SDK1: variants seen among roughly 807,000 people sequenced by gnomAD.
The protein encoded by SDK1 is sidekick cell adhesion molecule 1.
In SDK1, 157 loss-of-function variants were observed where a neutral mutation model predicts 245.5. That is an observed-to-expected ratio of 0.64 (90% CI 0.56 to 0.73). The LOEUF is 0.73. Among genes scored for constraint, SDK1 ranks in the 30% least tolerant of loss-of-function variants. The probability of loss-of-function intolerance (pLI) is 0.00; values close to 1 mark genes in which losing one functional copy is unlikely to be tolerated. For missense variants in SDK1, 3,583 were observed against 3,002.3 expected, an observed-to-expected ratio of 1.19 and a Z score of -4.52; for synonymous variants, 1,647 against 1,278.5, an observed-to-expected ratio of 1.29 and a Z score of -6.15.
intron 5 of SDK1, among the ~76,000 whole-genome samples, chr7:3,842,748 T>C (rs1242983368): frequency 6.6e-6 from 1 of 152,108 alleles, no homozygotes; most frequent in Non-Finnish European, 1.5e-5. Context: ...TGTGCTCCTT[T>C]TCTCCCTCAC....
chr7:3,708,970 A>G (rs1353132243), intron 4 of SDK1, among the ~76,000 whole-genome samples: 1 of 152,208 alleles, frequency 6.6e-6, no homozygotes. Context: ...ATACTCTTCC[A>G]GCCATCATGT....
chr7:3,406,701 A>G (rs1201198930), intron 1 of SDK1, among the ~76,000 whole-genome samples: 3 of 152,166 alleles, frequency 2.0e-5, no homozygotes, highest in African/African-American at 7.2e-5. Flanking sequence ...TGTTTAGGGG[A>G]AAATAATATT....
At chr7:3,632,626 A>G (rs80272989) in intron 2 of SDK1, among the ~76,000 whole-genome samples, 4 of 152,222 alleles carry the variant, frequency 2.6e-5, no homozygotes, top group African/African-American at 7.2e-5. Flanking sequence ...TAATACACAG[A>G]TTAAATAACT....
chr7:3,664,622 C>A (rs1325079005), intron 4 of SDK1, among the ~76,000 whole-genome samples: 2 of 151,832 alleles, frequency 1.3e-5, no homozygotes, highest in South Asian at 4.2e-4. Flanking sequence ...CATCTGTAAT[C>A]CCAGCTGCTT....
In SDK1 at chr7:3,690,060, C is replaced by A. The variant is rs188911159; in HGVS notation, c.713+47955C>A. ...ATTCATCCATTTCTTAGAATAATGC[C>A]TTAGAGAAGCACCCAGTGGTAATTA... On this transcript the variant is annotated intron_variant, in intron 4 of 44. Coordinates refer to ENST00000404826, the MANE Select transcript of SDK1 (RefSeq NM_152744.4). Among the ~76,000 whole-genome samples the A allele has an allele frequency of 1.5e-3, 234 of 152,250 alleles. 4 individuals carry two copies. Among genetic ancestry groups the A allele is most frequent in the Non-Finnish European group, 2.8e-4 (19 of 68,002 alleles).
chr7:3,385,124 G>C (rs940364448), intron 1 of SDK1, among the ~76,000 whole-genome samples: 1 of 152,148 alleles, frequency 6.6e-6, no homozygotes, highest in African/African-American at 2.4e-5. Context: ...CAGGAGACCT[G>C]GGTTCAGGTA....
At chr7:3,750,499 G>A (rs374870466) in intron 4 of SDK1, among the ~76,000 whole-genome samples, 2 of 152,174 alleles carry the variant, frequency 1.3e-5, no homozygotes, top group South Asian at 4.1e-4. Context: ...GGAACAGCGG[G>A]ATTTTGCAGT....
intron 4 of SDK1, among the ~76,000 whole-genome samples, chr7:3,786,925 C>T (rs1780918749): frequency 6.6e-6 from 1 of 152,016 alleles, no homozygotes; most frequent in East Asian, 1.9e-4. Context: ...ACTGGAGCTC[C>T]ACCTCATCTT....
Position 4,221,329 on chromosome 7 carries a change from C to T in SDK1, c.5792C>T (p.Pro1931Leu), listed in dbSNP as rs142657589. ...QWTEGHSGDT[P>L]TTGYVIEARP... ...ACTGAGGGACACTCTGGCGACACAC[C>T]TACCACGGGCTATGTGATCGAGGCC... is the stretch of plus-strand genomic sequence containing the variant. Residue 1931 changes from proline (P) to leucine (L), a missense_variant, in exon 40 of 45, where the codon CCT becomes CTT. By Grantham distance (98) the Pro-to-Leu change is moderately conservative. Transcript: ENST00000404826. 20 of 1,612,476 alleles carry T rather than the reference C, an allele frequency of 1.2e-5. No individual in the cohort carries two copies. In the African/African-American group the frequency reaches 2.3e-4, roughly 18 times the overall value.
Position 3,461,418 on chromosome 7 carries a change from C to T in SDK1, c.299-157662C>T, listed in dbSNP as rs562521440. 5.3e-5 allele frequency among the ~76,000 whole-genome samples: 8 copies of T among 152,278 alleles called. No individual in the cohort carries two copies. The South Asian group carries it at 1.0e-3, about 20-fold the overall frequency. ...AAATTTTAGATAACACCCACATCTT[C>T]CTGAGCATCGTGTGATTTTAGTAGC... On this transcript the variant is annotated intron_variant, in intron 1 of 44. Transcript: ENST00000404826.
chr7:3,396,267 A>T (rs1410796852), intron 1 of SDK1, among the ~76,000 whole-genome samples: 1 of 151,796 alleles, frequency 6.6e-6, no homozygotes, highest in Non-Finnish European at 1.5e-5. Context: ...ACTTTATACG[A>T]TTTTAATCCT....
intron 4 of SDK1, among the ~76,000 whole-genome samples, chr7:3,791,837 C>A (rs984474141): frequency 6.6e-6 from 1 of 152,076 alleles, no homozygotes; most frequent in African/African-American, 2.4e-5. Context: ...TTGACACTGG[C>A]ATGGAGTCAG....
At chr7:3,303,451 T>C (rs1779335110) in intron 1 of SDK1, among the ~76,000 whole-genome samples, 1 of 152,240 alleles carries the variant, frequency 6.6e-6, no homozygotes, top group African/African-American at 2.4e-5. Context: ...TTTTGAAGTA[T>C]ATTACATAGA....
At chr7:3,358,128 TCTC>T (rs1351383786) in intron 1 of SDK1, among the ~76,000 whole-genome samples, 2 of 152,122 alleles carry the variant, frequency 1.3e-5, no homozygotes, top group Non-Finnish European at 2.9e-5. Context: ...TTCCAGCGAT[TCTC>T]CTGCGTCAGC....
At chr7:3,750,460 CTTTA>C (rs1156764717) in intron 4 of SDK1, among the ~76,000 whole-genome samples, 4 of 152,218 alleles carry the variant, frequency 2.6e-5, no homozygotes, top group East Asian at 3.9e-4. Flanking sequence ...GTAAGGAAGA[CTTTA>C]TTTAGGACCA....
chr7:3,827,160 T>A (rs1394295552), intron 5 of SDK1, among the ~76,000 whole-genome samples: 1 of 148,182 alleles, frequency 6.7e-6, no homozygotes, highest in Non-Finnish European at 1.5e-5. Context: ...CCCTCAAAGT[T>A]TGAACACATA....
At chr7:3,871,402 C>G (rs1161765882) in intron 5 of SDK1, among the ~76,000 whole-genome samples, 3 of 151,442 alleles carry the variant, frequency 2.0e-5, no homozygotes, top group Non-Finnish European at 4.4e-5. Context: ...TCTGTATTGC[C>G]TTGTTGCACT....
intron 2 of SDK1, among the ~76,000 whole-genome samples, chr7:3,636,102 G>A (rs961780420): frequency 6.6e-6 from 1 of 152,112 alleles, no homozygotes; most frequent in Non-Finnish European, 1.5e-5. Context: ...AATGTATACA[G>A]CTTGATGAGT....
intron 4 of SDK1, among the ~76,000 whole-genome samples, chr7:3,745,696 C>T (rs904264789): frequency 6.6e-6 from 1 of 152,172 alleles, no homozygotes; most frequent in African/African-American, 2.4e-5. Context: ...CACCCCCTCC[C>T]ACCTCATTGC....
Sources: allele counts gnomAD v4.1 joint callset (sites outside exome capture counted in the v4.1 genomes callset), GRCh38; gene constraint gnomAD v4.1.1; transcripts MANE v1.5; gene names NCBI Gene and HGNC (gene_info 2026-07-23, HGNC 2026-07-21).